TENM2: variants seen among roughly 807,000 people sequenced by gnomAD.
The protein encoded by TENM2 is teneurin-2.
In TENM2, 52 loss-of-function variants were observed where a neutral mutation model predicts 245.2. The observed-to-expected ratio is 0.21, with a 90% CI of 0.17 to 0.27. The LOEUF (loss-of-function observed/expected upper bound fraction) is 0.27, where lower values mean the gene tolerates loss of function less well. Among genes scored for constraint, TENM2 ranks in the 10% least tolerant of loss-of-function variants. TENM2 has a pLI of 1.00. For missense variants in TENM2, 3,046 were observed against 3,666.8 expected (o/e 0.83, Z 4.37); for synonymous variants, 1,363 against 1,438.9 (o/e 0.95, Z 1.19).
chr5:167,698,679 G>GTTTTTTTTTTTTTTTTTTTTTTTTTTTT (rs1225922111), intron 2 of TENM2, among the ~76,000 whole-genome samples: 1 of 97,754 alleles, frequency 1.0e-5, no homozygotes, highest in African/African-American at 4.2e-5. Flanking sequence ...TTTGTTTTTT[G>GTTTTTTTTTTTTTTTTTTTTTTTTTTTT]TTTTTTTTTT....
intron 2 of TENM2, among the ~76,000 whole-genome samples, chr5:167,822,224 G>C (rs1258529243): frequency 6.7e-6 from 1 of 149,264 alleles, no homozygotes; most frequent in Non-Finnish European, 1.5e-5. Context: ...TGTTTGAAAG[G>C]AAAAAAAAAT....
At chr5:167,319,052 T>C (rs1756554114) in intron 1 of TENM2, among the ~76,000 whole-genome samples, 1 of 152,198 alleles carries the variant, frequency 6.6e-6, no homozygotes, top group Non-Finnish European at 1.5e-5. Flanking sequence ...AAAAAATCTG[T>C]TTATCAATTG....
chr5:167,461,193 A>G lies in TENM2; in HGVS notation c.502+85720A>G, dbSNP rs1304227371. The stretch of plus-strand genomic sequence containing the variant: ...TACTGTGGTGTTTTTAAATATTAAG[A>G]TATATAGAAACCCAGAAAGTTGAGC... On this transcript the variant is annotated intron_variant, in intron 2 of 28. Transcript: ENST00000518659. Among the ~76,000 whole-genome samples the G allele has an allele frequency of 4.6e-5, 7 of 151,730 alleles. No homozygotes were observed. In the East Asian group the frequency reaches 1.4e-3, roughly 29 times the overall value.
chr5:167,568,646 GGTGTGTGTGTGTGT>G (rs3138740), intron 2 of TENM2, among the ~76,000 whole-genome samples: 3 of 142,620 alleles, frequency 2.1e-5, no homozygotes, highest in Middle Eastern at 3.6e-3. Flanking sequence ...CAGAGACCAT[GGTGTGTGTGTGTGT>G]GTGTGTGTGT....
At chr5:167,243,165 A>T in the TENM2 span, among the ~76,000 whole-genome samples, 1 of 152,294 alleles carries the variant, frequency 6.6e-6, no homozygotes, top group African/African-American at 2.4e-5. Flanking sequence ...ATCAGATGAA[A>T]GTAAGGAGGG....
chr5:167,106,314 T>G, the TENM2 span, among the ~76,000 whole-genome samples: 2 of 152,176 alleles, frequency 1.3e-5, no homozygotes, highest in Non-Finnish European at 2.9e-5. Flanking sequence ...GGCAGCAATC[T>G]CTACCACTGA....
the TENM2 span, among the ~76,000 whole-genome samples, chr5:167,149,237 A>G: frequency 1.3e-5 from 2 of 151,502 alleles, no homozygotes; most frequent in South Asian, 4.2e-4. Flanking sequence ...CCCCTGATAG[A>G]TTGCAACCTC....
chr5:168,067,095 C>T (rs1346394552), intron 7 of TENM2, among the ~76,000 whole-genome samples: 1 of 152,172 alleles, frequency 6.6e-6, no homozygotes, highest in Non-Finnish European at 1.5e-5. Context: ...ACTTGGGAGC[C>T]CTGCTGGGAC....
At chr5:167,711,014 A>G (rs1288072747) in intron 2 of TENM2, among the ~76,000 whole-genome samples, 1 of 152,210 alleles carries the variant, frequency 6.6e-6, no homozygotes, top group Non-Finnish European at 1.5e-5. Flanking sequence ...AGCATTTTAC[A>G]TGAATCATCT....
chr5:167,084,102 T>G, the TENM2 span, among the ~76,000 whole-genome samples: 1 of 151,646 alleles, frequency 6.6e-6, no homozygotes, highest in African/African-American at 2.4e-5. Flanking sequence ...AATTTGGGTA[T>G]AAGAAATGGT....
At chr5:167,281,197 T>C (rs552671491), upstream of TENM2, among the ~76,000 whole-genome samples, 53 of 151,786 alleles carry the variant, frequency 3.5e-4, no homozygotes, top group African/African-American at 1.3e-3. Flanking sequence ...CAACCTCCGC[T>C]TTCCGGGTTC....
chr5:168,075,650 C>T (rs1264937464), intron 7 of TENM2, among the ~76,000 whole-genome samples: 3 of 152,176 alleles, frequency 2.0e-5, no homozygotes, highest in Non-Finnish European at 2.9e-5. Context: ...TTCTTTCACT[C>T]GCAGAATGTC....
chr5:168,145,031 G>A (rs1414091822), intron 12 of TENM2, among the ~76,000 whole-genome samples: 1 of 151,866 alleles, frequency 6.6e-6, no homozygotes, highest in African/African-American at 2.4e-5. Flanking sequence ...GGGGTTGTTT[G>A]TTTCTTTCTT....
At chr5:167,670,499 ATT>A (rs5873058) in intron 2 of TENM2, among the ~76,000 whole-genome samples, 1 of 150,730 alleles carries the variant, frequency 6.6e-6, no homozygotes, top group African/African-American at 2.4e-5. Context: ...CTCTCATCAC[ATT>A]TTTTTTTCTG....
chr5:168,195,067 C>A, intron 14 of TENM2, 109 bp from the exon 17 acceptor site: 2 of 1,299,078 alleles, frequency 1.5e-6, no homozygotes, highest in Non-Finnish European at 1.1e-6. Flanking sequence ...ATGTTGAAAG[C>A]CTTCTCCTTG....
chr5:167,161,773 G>C, the TENM2 span, among the ~76,000 whole-genome samples: 1 of 152,204 alleles, frequency 6.6e-6, no homozygotes, highest in African/African-American at 2.4e-5. Context: ...ACATATGGTC[G>C]ATCTTGCAAG....
chr5:168,182,577 G>A (rs142869447), intron 13 of TENM2, among the ~76,000 whole-genome samples: 5 of 152,272 alleles, frequency 3.3e-5, no homozygotes, highest in African/African-American at 7.2e-5. Context: ...TCTAAAGCCC[G>A]TGTTTGTTTG....
chr5:166,981,030 C>G, the TENM2 span, among the ~76,000 whole-genome samples: 1 of 152,164 alleles, frequency 6.6e-6, no homozygotes, highest in Non-Finnish European at 1.5e-5. Context: ...AGTGAAGGCT[C>G]TTCAGCCCCA....
At chr5:167,706,614 A>G (rs976503483) in intron 2 of TENM2, among the ~76,000 whole-genome samples, 2 of 152,108 alleles carry the variant, frequency 1.3e-5, no homozygotes, top group East Asian at 3.9e-4. Context: ...ATTTACCCAG[A>G]GGTGGGATTG....
Sources: gnomAD v4.1 joint callset for allele counts (sites outside exome capture counted in the v4.1 genomes callset) on GRCh38, gnomAD v4.1.1 for gene constraint, MANE v1.5 for transcripts, NCBI Gene and HGNC (gene_info 2026-07-23, HGNC 2026-07-21) for gene names.